The following RAP1GAP2 variants were observed in gnomAD, a reference collection of about 807,000 sequenced individuals.
RAP1GAP2 encodes the protein rap1 GTPase-activating protein 2.
In RAP1GAP2, 27 loss-of-function variants were observed where a neutral mutation model predicts 95.0. That is an observed-to-expected ratio of 0.28 (90% CI 0.21 to 0.39). The LOEUF (loss-of-function observed/expected upper bound fraction) is 0.39. Ranked by LOEUF, RAP1GAP2 falls within the 10% of genes least tolerant of loss-of-function variation. The pLI, the probability that RAP1GAP2 is intolerant of heterozygous loss-of-function variation, is 1.00. For missense variants in RAP1GAP2, 771 were observed against 970.0 expected, an observed-to-expected ratio of 0.79 and a Z score of 2.72; for synonymous variants, 373 against 380.9, an observed-to-expected ratio of 0.98 and a Z score of 0.24.
At chr17:2,861,393 T>C (rs1359949659) in intron 2 of RAP1GAP2, among the ~76,000 whole-genome samples, 1 of 151,826 alleles carries the variant, frequency 6.6e-6, no homozygotes, top group East Asian at 1.9e-4. Context: ...GCTCAGTAAA[T>C]ATTTGCTGAG....
intron 8 of RAP1GAP2, among the ~76,000 whole-genome samples, chr17:2,978,670 AC>A (rs369540881): frequency 4.9e-4 from 75 of 152,114 alleles, no homozygotes; most frequent in African/African-American, 1.7e-3. Context: ...GCTGTGGCTC[AC>A]CCCTGTAATC....
chr17:2,830,323 A>G (rs1214656421), intron 2 of RAP1GAP2, among the ~76,000 whole-genome samples: 1 of 152,010 alleles, frequency 6.6e-6, no homozygotes, highest in Non-Finnish European at 1.5e-5. Context: ...CTGAGGGAGG[A>G]GAATAGCTTG....
At chr17:2,786,897 T>C (rs527272156) in intron 1 of RAP1GAP2, among the ~76,000 whole-genome samples, 2 of 147,464 alleles carry the variant, frequency 1.4e-5, no homozygotes, top group African/African-American at 2.5e-5. Context: ...TCCACCCACC[T>C]TGGCTTCCCA....
chr17:2,967,796 T>C lies in RAP1GAP2; in HGVS notation c.596+2153T>C, dbSNP rs181716424. 4.1e-3 allele frequency among the ~76,000 whole-genome samples: 619 copies of C among 152,352 alleles called. 5 individuals are homozygous for C. Among genetic ancestry groups the C allele is most frequent in the African/African-American group, 0.014 (582 of 41,576 alleles). On this transcript the variant is annotated intron_variant, in intron 8 of 24. Transcript: ENST00000254695. ...AAATTCCCCTGCTGGCGGTGACTAC[T>C]GTCCAAACTTCTTCCTCATTCCCCA...
chr17:2,943,709 C>T (rs889676021), intron 3 of RAP1GAP2, among the ~76,000 whole-genome samples: 5 of 151,942 alleles, frequency 3.3e-5, no homozygotes, highest in Admixed American at 6.6e-5. Flanking sequence ...CAAACAAAAA[C>T]GTGTACTAAA....
chr17:2,985,233 C>G (rs2045512685), intron 11 of RAP1GAP2, among the ~76,000 whole-genome samples, 167 bp downstream of exon 11: 1 of 151,766 alleles, frequency 6.6e-6, no homozygotes, highest in South Asian at 2.1e-4. Context: ...AACTTTCCAG[C>G]AAGGGTACTT....
intron 3 of RAP1GAP2, among the ~76,000 whole-genome samples, chr17:2,905,569 G>A (rs2042172020): frequency 1.3e-5 from 2 of 152,230 alleles, no homozygotes; most frequent in African/African-American, 2.4e-5. Flanking sequence ...TGTGTCAAGG[G>A]GCGGTGAGGA....
intron 1 of RAP1GAP2, among the ~76,000 whole-genome samples, chr17:2,784,545 A>G (rs373347253): frequency 6.6e-6 from 1 of 152,238 alleles, no homozygotes; most frequent in Non-Finnish European, 1.5e-5. Context: ...TGCTGGGATT[A>G]CAGGCGTGAG....
intron 17 of RAP1GAP2, among the ~76,000 whole-genome samples, chr17:3,014,653 A>G (rs905058569): frequency 6.7e-6 from 1 of 149,778 alleles, no homozygotes; most frequent in Admixed American, 6.8e-5. Context: ...GGATTCAAGC[A>G]ATTCTTCTGC....
At chr17:2,792,662 G>A (rs1425661226), upstream of RAP1GAP2, among the ~76,000 whole-genome samples, 1 of 152,242 alleles carries the variant, frequency 6.6e-6, no homozygotes, top group African/African-American at 2.4e-5. Flanking sequence ...CCAGGCTGTG[G>A]GTTCTGCAGG....
upstream of RAP1GAP2, among the ~76,000 whole-genome samples, chr17:2,773,017 C>G (rs1597280270): frequency 6.6e-6 from 1 of 152,210 alleles, no homozygotes; most frequent in African/African-American, 2.4e-5. Flanking sequence ...CGTCACCACA[C>G]CTGGCTAATT....
upstream of RAP1GAP2, among the ~76,000 whole-genome samples, chr17:2,772,383 T>C (rs2151436515): frequency 6.6e-6 from 1 of 152,274 alleles, no homozygotes; most frequent in African/African-American, 2.4e-5. Context: ...CTCAAACTTT[T>C]GGGCTCAAGG....
chr17:2,944,106 G>A (rs949921905), intron 3 of RAP1GAP2, among the ~76,000 whole-genome samples: 4 of 143,714 alleles, frequency 2.8e-5, no homozygotes, highest in Non-Finnish European at 6.0e-5. Flanking sequence ...CCGAGATTGC[G>A]CCATTGCACT....
intron 3 of RAP1GAP2, among the ~76,000 whole-genome samples, chr17:2,948,489 T>C (rs4790105): frequency 5.8e-4 from 87 of 151,082 alleles, no homozygotes; most frequent in East Asian, 4.0e-3. Context: ...CAGGAGAAGC[T>C]GTGCCTGTGT....
chr17:2,792,409 G>A (rs570583301), upstream of RAP1GAP2, among the ~76,000 whole-genome samples: 1 of 152,312 alleles, frequency 6.6e-6, no homozygotes, highest in East Asian at 1.9e-4. Context: ...AATTACAGAA[G>A]AGAAAACTGA....
intron 12 of RAP1GAP2, among the ~76,000 whole-genome samples, chr17:2,993,232 A>AG (rs1386666172): frequency 6.6e-6 from 1 of 151,138 alleles, no homozygotes; most frequent in East Asian, 2.0e-4. Context: ...AAAAAAAAAA[A>AG]AAGGAGGTAA....
chr17:2,802,381 C>A (rs1057260532), intron 2 of RAP1GAP2, among the ~76,000 whole-genome samples: 3 of 152,188 alleles, frequency 2.0e-5, no homozygotes. Context: ...ACAGACTTTT[C>A]CTGCCCTTCA....
intron 12 of RAP1GAP2, among the ~76,000 whole-genome samples, chr17:2,992,832 A>G (rs1329708859): frequency 6.6e-6 from 1 of 152,142 alleles, no homozygotes; most frequent in East Asian, 1.9e-4. Flanking sequence ...CACCTGGGAT[A>G]AAACCCCCGC....
At chr17:2,993,900 C>T (rs2045865559) in intron 12 of RAP1GAP2, among the ~76,000 whole-genome samples, 1 of 151,814 alleles carries the variant, frequency 6.6e-6, no homozygotes, top group Admixed American at 6.6e-5. Context: ...TAAAAATTAG[C>T]TGACTATTGT....
Sources: allele counts gnomAD v4.1 joint callset (sites outside exome capture counted in the v4.1 genomes callset), GRCh38; gene constraint gnomAD v4.1.1; transcripts MANE v1.5; gene names NCBI Gene and HGNC (gene_info 2026-07-23, HGNC 2026-07-21).